ATXN7: variants seen among roughly 807,000 people sequenced by gnomAD.
ATXN7 encodes ataxin-7.
Under a neutral mutation model 70.5 loss-of-function variants are expected in ATXN7, and 12 were observed. The observed-to-expected ratio is 0.17, with a 90% confidence interval of 0.11 to 0.28. The LOEUF is 0.28. ATXN7 is among the 10% of genes least tolerant of loss of function. The pLI, the probability that ATXN7 is intolerant of heterozygous loss-of-function variation, is 1.00. For synonymous variants in ATXN7, 498 were observed against 448.7 expected, an observed-to-expected ratio of 1.11 and a Z score of -1.39; for missense variants, 1,256 against 1,131.7, an observed-to-expected ratio of 1.11 and a Z score of -1.58.
At chr3:63,876,614 A>C (rs1474172980) in intron 1 of ATXN7, among the ~76,000 whole-genome samples, 1 of 152,202 alleles carries the variant, frequency 6.6e-6, no homozygotes, top group Non-Finnish European at 1.5e-5. Flanking sequence ...AAGATTTTTC[A>C]GTACTATAAA....
At chr3:63,970,400 T>C (rs900550407) in intron 5 of ATXN7, among the ~76,000 whole-genome samples, 1 of 152,154 alleles carries the variant, frequency 6.6e-6, no homozygotes, top group Admixed American at 6.5e-5. Context: ...AAGCTGTTTT[T>C]TGAAAGACAA....
intron 1 of ATXN7, among the ~76,000 whole-genome samples, chr3:63,886,854 C>G (rs1559620428): frequency 6.6e-6 from 1 of 152,166 alleles, no homozygotes; most frequent in Admixed American, 6.5e-5. Flanking sequence ...AAAGCCATGA[C>G]AGTTTGTTTG....
chr3:63,952,743 G>A (rs2074975057), intron 5 of ATXN7, among the ~76,000 whole-genome samples: 1 of 145,196 alleles, frequency 6.9e-6, no homozygotes, highest in South Asian at 2.4e-4. Flanking sequence ...TGTTGCATCA[G>A]TATAATTACA....
rs71631179 is a variant in ATXN7, at chr3:63,962,908, CT to C, written c.499+10443del. The stretch of plus-strand genomic sequence containing the variant: ...GATGTAATACCAGAATTTTGTATTT[CT>C]TTTTTTTTTTTTTTTTTCTTCTTCA... On this transcript the variant is annotated intron_variant, in intron 5 of 12. Coordinates refer to ENST00000674280, the MANE Select transcript of ATXN7 (RefSeq NM_001377405.1). Among the ~76,000 whole-genome samples the C allele has an allele frequency of 8.3e-3, 1,133 of 136,292 alleles. 14 individuals carry two copies. The highest frequency in any genetic ancestry group is 0.023 in the African/African-American group (856 of 37,346). The allele number at this position is 136,292 out of a possible 152,430, so 89.4% of individuals were successfully genotyped here.
intron 12 of ATXN7, 122 bp from the exon 13 acceptor site, chr3:63,999,328 C>G: frequency 1.3e-6 from 1 of 776,758 alleles, no homozygotes; most frequent in Admixed American, 2.1e-5. Flanking sequence ...TGGTGTCACT[C>G]AGTCAATGGA....
At chr3:63,916,426 G>A (rs1037238485) in intron 4 of ATXN7, among the ~76,000 whole-genome samples, 6 of 152,150 alleles carry the variant, frequency 3.9e-5, no homozygotes, top group Non-Finnish European at 7.3e-5. Flanking sequence ...TCATTTACAC[G>A]TCCCCACCCC....
intron 4 of ATXN7, among the ~76,000 whole-genome samples, chr3:63,939,948 C>T (rs2074726854): frequency 6.6e-6 from 1 of 151,886 alleles, no homozygotes; most frequent in African/African-American, 2.4e-5. Flanking sequence ...CATTCTGTGA[C>T]CTATTCCTAG....
At chr3:63,946,369 G>A (rs2074862800) in intron 4 of ATXN7, among the ~76,000 whole-genome samples, 1 of 152,124 alleles carries the variant, frequency 6.6e-6, no homozygotes, top group Non-Finnish European at 1.5e-5. Flanking sequence ...GCCAGGCGCG[G>A]TGGCTCACGC....
intron 4 of ATXN7, among the ~76,000 whole-genome samples, chr3:63,930,625 G>A (rs1278101556): frequency 1.3e-5 from 2 of 151,488 alleles, no homozygotes; most frequent in Non-Finnish European, 2.9e-5. Flanking sequence ...TCCGCCTCCC[G>A]GGTTCACCCC....
At chr3:63,978,238 G>A (rs554064712) in intron 5 of ATXN7, among the ~76,000 whole-genome samples, 2 of 152,188 alleles carry the variant, frequency 1.3e-5, no homozygotes, top group Admixed American at 6.5e-5. Flanking sequence ...AGCTCCTTAC[G>A]TTATTCCAGT....
intron 1 of ATXN7, among the ~76,000 whole-genome samples, 127 bp downstream of exon 1, chr3:63,864,285 C>T (rs1410921923): frequency 6.6e-6 from 1 of 151,392 alleles, no homozygotes; most frequent in Admixed American, 6.6e-5. Context: ...CAGGGTGACG[C>T]TGCTAGGGGT....
chr3:63,994,934 T>G lies in ATXN7; in HGVS notation c.1683-571T>G, dbSNP rs145863655. On this transcript the variant is annotated intron_variant, in intron 11 of 12. Transcript: ENST00000674280. ...GTTACAACACCATGCTGAATATCCC[T>G]TGATACTGTGGGGCTTTATTCCCTT... is the stretch of plus-strand genomic sequence containing the variant. Among the ~76,000 whole-genome samples, 14 of 152,358 alleles carry G rather than the reference T, an allele frequency of 9.2e-5. No individual in the cohort carries two copies. The East Asian group carries it at 2.7e-3, about 29-fold the overall frequency.
chr3:63,872,339 G>A (rs1390940452), intron 1 of ATXN7, among the ~76,000 whole-genome samples: 1 of 152,144 alleles, frequency 6.6e-6, no homozygotes, highest in Non-Finnish European at 1.5e-5. Context: ...CATAATTAGG[G>A]CAGAGCAGTT....
rs1461140834 is a variant in ATXN7, at chr3:64,002,306, C to T, written c.*2839C>T. 6.6e-6 allele frequency: 1 copy of T among 152,290 alleles called. No individual in the cohort carries two copies. The highest frequency in any genetic ancestry group is 1.5e-5 in the Non-Finnish European group (1 of 67,986). 9.4% of individuals were successfully genotyped at this position (152,290 alleles called of 1,614,324 possible). On this transcript the variant is annotated 3_prime_UTR_variant, in exon 13 of 13. Transcript: ENST00000674280. ...AAGCCAATAGTTCTAGAACCTGCCT[C>T]CTTTACAGTTTTAAGGGATGCCTCT...
At chr3:63,940,853 T>C (rs951549829) in intron 4 of ATXN7, among the ~76,000 whole-genome samples, 2 of 152,162 alleles carry the variant, frequency 1.3e-5, no homozygotes, top group African/African-American at 4.8e-5. Flanking sequence ...AGACAAGATT[T>C]ATAAGGTTTT....
intron 1 of ATXN7, among the ~76,000 whole-genome samples, chr3:63,871,693 G>C (rs571553248): frequency 6.6e-6 from 1 of 152,138 alleles, no homozygotes; most frequent in Admixed American, 6.5e-5. Flanking sequence ...ATGAGACTAT[G>C]TATAAGATGG....
At chr3:63,866,072 G>T (rs998234257) in intron 1 of ATXN7, among the ~76,000 whole-genome samples, 3 of 151,710 alleles carry the variant, frequency 2.0e-5, no homozygotes, top group African/African-American at 7.3e-5. Flanking sequence ...TTAAATTTTC[G>T]TGAGATACTC....
Position 63,996,303 on chromosome 3 carries a change from T to G in ATXN7, c.2481T>G (p.Thr827=), listed in dbSNP as rs762341221. 6.2e-7 allele frequency: 1 copy of G among 1,613,820 alleles called. No homozygotes were observed. The highest frequency in any genetic ancestry group is 1.3e-5 in the African/African-American group (1 of 74,816). The part of the protein sequence containing the change: ...NSHGSFSHSH[T]PLDKLIGKKR... Reference sequence around the variant, plus strand: ...ACGGCAGTTTTTCCCACTCACACACTCCTCTAGACAAACTCATAGGAAAGA... The same window carrying G: ...ACGGCAGTTTTTCCCACTCACACACGCCTCTAGACAAACTCATAGGAAAGA... Residue 827 remains threonine, a synonymous_variant, in exon 12 of 13, where the codon ACT becomes ACG. Transcript: ENST00000674280.
At chr3:63,950,830 A>G (rs1198794594) in intron 4 of ATXN7, among the ~76,000 whole-genome samples, 1 of 152,164 alleles carries the variant, frequency 6.6e-6, no homozygotes, top group African/African-American at 2.4e-5. Flanking sequence ...TCTGTAGTCT[A>G]CTGGAAGCTT....
Sources: gnomAD v4.1 joint callset for allele counts (sites outside exome capture counted in the v4.1 genomes callset) on GRCh38, gnomAD v4.1.1 for gene constraint, MANE v1.5 for transcripts, NCBI Gene and HGNC (gene_info 2026-07-23, HGNC 2026-07-21) for gene names.